NUP205: variants seen among roughly 807,000 people sequenced by gnomAD.
The protein encoded by NUP205 is nuclear pore complex protein Nup205.
In NUP205, 76 loss-of-function variants were observed where a neutral mutation model predicts 253.8. That is an observed-to-expected ratio of 0.30 (90% confidence interval 0.25 to 0.36). The LOEUF (loss-of-function observed/expected upper bound fraction) is 0.36, where lower values mean the gene tolerates loss of function less well. NUP205 is among the 10% of genes least tolerant of loss of function. The probability of loss-of-function intolerance (pLI) is 1.00; values close to 1 mark genes in which losing one functional copy is unlikely to be tolerated. For synonymous variants in NUP205, 832 were observed against 850.1 expected, an observed-to-expected ratio of 0.98 and a Z score of 0.37; for missense variants, 2,162 against 2,425.5, an observed-to-expected ratio of 0.89 and a Z score of 2.28.
At chr7:135,645,665 T>G in intron 41 of NUP205, 69 bp downstream of exon 41, 1 of 1,490,056 alleles carries the variant, frequency 6.7e-7, no homozygotes, top group South Asian at 1.3e-5. Flanking sequence ...AGTACCAGTT[T>G]TTTTTTATTT....
At chr7:135,574,488 C>T (rs1420021511) in intron 3 of NUP205, among the ~76,000 whole-genome samples, 1 of 152,062 alleles carries the variant, frequency 6.6e-6, no homozygotes, top group Non-Finnish European at 1.5e-5. Flanking sequence ...GCCAGCCACC[C>T]AGACCTATTG....
At chr7:135,570,090 G>GAGAGAT (rs1450681816) in intron 1 of NUP205, among the ~76,000 whole-genome samples, 6 of 147,216 alleles carry the variant, frequency 4.1e-5, no homozygotes, top group African/African-American at 1.5e-4. Context: ...GAGAGAGAGA[G>GAGAGAT]AGAGAAACTG....
Position 135,573,734 on chromosome 7 carries a change from A to G in NUP205, c.252A>G (p.Arg84=). ...CCATTCAGGGTCAACAGGGAACTCG[A>G]CTTCTTCCTGAACAGCTCATTAAAG... ...GVAIQGQQGT[R]LLPEQLIKEA... is the part of the protein sequence containing the mutation. The change falls in exon 3 of 43, where the codon CGA becomes CGG. Residue 84 remains arginine (R), a synonymous_variant. Transcript: ENST00000285968. 6.2e-7 allele frequency: 1 copy of G among 1,613,906 alleles called. No homozygotes were observed. Among genetic ancestry groups the G allele is most frequent in the Non-Finnish European group, 8.5e-7 (1 of 1,179,828 alleles).
rs760796590 is a variant in NUP205, at chr7:135,606,243, T to C, written c.2905+17T>C. On this transcript the variant is annotated intron_variant, in intron 20 of 42. Transcript: ENST00000285968. ...TGGAAGAGGGTATGCCTTAGATTAA[T>C]GTGCATACACGCATTCTTTTACTTT... 8 of 1,473,166 alleles carry C rather than the reference T, an allele frequency of 5.4e-6. No homozygotes were observed. The African/African-American group carries it at 9.7e-5, about 18-fold the overall frequency. The allele number at this position is 1,473,166 out of a possible 1,614,324, so 91.3% of individuals were successfully genotyped here.
chr7:135,561,305 C>T (rs1805574223), intron 1 of NUP205, among the ~76,000 whole-genome samples: 1 of 152,154 alleles, frequency 6.6e-6, no homozygotes, highest in African/African-American at 2.4e-5. Context: ...GATCATACCA[C>T]TGCACTCCAG....
chr7:135,647,763 T>G lies in NUP205; in HGVS notation c.5887-641T>G, dbSNP rs151125104. On this transcript the variant is annotated intron_variant, in intron 42 of 42. Coordinates refer to ENST00000285968, the MANE Select transcript of NUP205 (RefSeq NM_015135.3). ...AGGATTAATAAATAATCTCACACTC[T>G]GTGTTGTGATTTTAATGCAAAACTG... 1.4e-4 allele frequency among the ~76,000 whole-genome samples: 21 copies of G among 152,306 alleles called. No homozygotes were observed. The East Asian group carries it at 4.1e-3, about 29-fold the overall frequency.
At position 135,602,888 on chromosome 7, in the gene NUP205, C is replaced by A. The variant is rs1563123889; in HGVS notation, c.2596C>A (p.Leu866Ile). The change falls in exon 18 of 43, where the codon CTT becomes ATT. Residue 866 changes from leucine to isoleucine, a missense_variant. By Grantham distance (5) the Leu-to-Ile change is conservative. Around this residue, in one of 5 missense-constraint regions of NUP205, gnomAD observed 892 missense variants for 957.1 expected, o/e 0.93. Coordinates refer to ENST00000285968, the MANE Select transcript of NUP205 (RefSeq NM_015135.3). ...TLQKENLFMD[L>I]LRESQLALIV... ...GCAAAAGGAAAATCTTTTTATGGAC[C>A]TTCTAAGAGAGAGTCAACTGGCTCT... The A allele has an allele frequency of 1.9e-6, 3 of 1,613,624 alleles. No individual in the cohort carries two copies. The highest frequency in any genetic ancestry group is 1.7e-6 in the Non-Finnish European group (2 of 1,179,620).
At chr7:135,578,430 A>G (rs1806213532) in intron 6 of NUP205, among the ~76,000 whole-genome samples, 1 of 152,212 alleles carries the variant, frequency 6.6e-6, no homozygotes, top group Admixed American at 6.5e-5. Flanking sequence ...TGTGATCTTT[A>G]GATAGCATGA....
chr7:135,589,329 A>G (rs1439149947), intron 10 of NUP205, among the ~76,000 whole-genome samples: 1 of 148,654 alleles, frequency 6.7e-6, no homozygotes, highest in Admixed American at 6.8e-5. Context: ...CTTGTTGCCC[A>G]GGCTGGAGTG....
intron 22 of NUP205, 59 bp downstream of exon 22, chr7:135,607,430 G>A: frequency 6.4e-7 from 1 of 1,574,442 alleles, no homozygotes; most frequent in Non-Finnish European, 8.7e-7. Context: ...AGGTGCATGA[G>A]TACGCCACAG....
chr7:135,611,721 C>A (rs1794244040), intron 22 of NUP205, among the ~76,000 whole-genome samples: 1 of 152,172 alleles, frequency 6.6e-6, no homozygotes, highest in Non-Finnish European at 1.5e-5. Context: ...GCCTGTTAAT[C>A]CCAGGTACTT....
intron 38 of NUP205, among the ~76,000 whole-genome samples, chr7:135,639,305 T>A (rs1794874782): frequency 6.6e-6 from 1 of 152,178 alleles, no homozygotes; most frequent in Non-Finnish European, 1.5e-5. Context: ...CACATTTTCA[T>A]CTTCTTCAAG....
intron 34 of NUP205, among the ~76,000 whole-genome samples, chr7:135,628,643 T>A (rs1164873151): frequency 1.3e-5 from 2 of 152,262 alleles, no homozygotes; most frequent in Non-Finnish European, 2.9e-5. Flanking sequence ...ACACTAACAT[T>A]CCAACACACA....
chr7:135,619,423 A>T lies in NUP205; in HGVS notation c.3964A>T (p.Ile1322Leu). 1 of 1,612,068 alleles carries T rather than the reference A, an allele frequency of 6.2e-7. No individual in the cohort carries two copies. The highest frequency in any genetic ancestry group is 8.5e-7 in the Non-Finnish European group (1 of 1,179,744). ...RDILQDVHDKILDDEAAQELM... is the reference protein window; with the variant it reads ...RDILQDVHDKLLDDEAAQELM... ...CTCTAATTTGCCCTTGTCCTTTAAGATACTGGATGATGAAGCTGCGCAAGA... is the reference window on the plus strand; with the variant it reads ...CTCTAATTTGCCCTTGTCCTTTAAGTTACTGGATGATGAAGCTGCGCAAGA... The change falls in exon 29 of 43, where the codon ATA (isoleucine) becomes TTA (leucine). Residue 1322 changes from isoleucine (I) to leucine (L), a missense_variant and splice_region_variant. By Grantham distance (5) the Ile-to-Leu change is conservative. Transcript: ENST00000285968.
chr7:135,584,468 A>T lies in NUP205; in HGVS notation c.1043-364A>T, dbSNP rs181746388. Among the ~76,000 whole-genome samples, 553 of 152,296 alleles carry T rather than the reference A, an allele frequency of 3.6e-3. 1 individual carries two copies. Among genetic ancestry groups the T allele is most frequent in the Non-Finnish European group, 5.8e-3 (396 of 68,024 alleles). On this transcript the variant is annotated intron_variant, in intron 7 of 42. Transcript: ENST00000285968. The stretch of plus-strand genomic sequence containing the variant: ...TCTTGGATTGAAGACTTTTCAGATG[A>T]CCCATGAGATTTCATTGGGATTAAA...
At chr7:135,565,842 T>C (rs1400589387) in intron 1 of NUP205, among the ~76,000 whole-genome samples, 4 of 152,322 alleles carry the variant, frequency 2.6e-5, no homozygotes, top group Non-Finnish European at 5.9e-5. Flanking sequence ...CATTTACTAA[T>C]AGGAAAAATT....
At chr7:135,603,729 C>G (rs1481309470) in intron 18 of NUP205, among the ~76,000 whole-genome samples, 1 of 151,874 alleles carries the variant, frequency 6.6e-6, no homozygotes, top group Non-Finnish European at 1.5e-5. Context: ...AGGCTGGTCT[C>G]AAACTCCTGA....
At chr7:135,562,895 A>G (rs1278850460) in intron 1 of NUP205, among the ~76,000 whole-genome samples, 3 of 152,108 alleles carry the variant, frequency 2.0e-5, no homozygotes, top group East Asian at 1.9e-4. Flanking sequence ...ATCTTGCCAA[A>G]CCCGTTTTCT....
At chr7:135,560,388 A>AGT (rs1805551781) in intron 1 of NUP205, among the ~76,000 whole-genome samples, 1 of 152,202 alleles carries the variant, frequency 6.6e-6, no homozygotes, top group Admixed American at 6.5e-5. Context: ...AGCAGCAAAG[A>AGT]GTGTACATTG....
Sources: gnomAD v4.1 joint callset for allele counts (sites outside exome capture counted in the v4.1 genomes callset) on GRCh38, gnomAD v4.1.1 for gene constraint, gnomAD v4.1.1 regional missense constraint, MANE v1.5 for transcripts, NCBI Gene and HGNC (gene_info 2026-07-23, HGNC 2026-07-21) for gene names.